PXK: variants seen among roughly 807,000 people sequenced by gnomAD.
PXK encodes PX domain-containing protein kinase-like protein.
Under a neutral mutation model 84.7 loss-of-function variants are expected in PXK, and 35 were observed. The observed-to-expected ratio is 0.41, with a 90% CI of 0.32 to 0.55. PXK has a LOEUF of 0.55. Among genes scored for constraint, PXK ranks in the 20% least tolerant of loss-of-function variants. The pLI, the probability that PXK is intolerant of heterozygous loss-of-function variation, is 0.21. For missense variants in PXK, 634 were observed against 699.7 expected (o/e 0.91, Z 1.06); for synonymous variants, 253 against 260.8 (o/e 0.97, Z 0.29).
chr3:58,349,668 A>T (rs541812941), intron 1 of PXK, among the ~76,000 whole-genome samples: 1 of 152,230 alleles, frequency 6.6e-6, no homozygotes, highest in East Asian at 1.9e-4. Flanking sequence ...ATTTTCATAA[A>T]TATCTGTGTT....
At chr3:58,420,454 T>TTA in intron 17 of PXK, 1 of 1,467,856 alleles carries the variant, frequency 6.8e-7, no homozygotes, top group African/African-American at 1.4e-5. Flanking sequence ...TTTTACTGTC[T>TTA]GTTACTATTT....
chr3:58,387,175 G>T (rs2098558232), intron 4 of PXK, among the ~76,000 whole-genome samples: 1 of 152,218 alleles, frequency 6.6e-6, no homozygotes, highest in Admixed American at 6.5e-5. Context: ...TGGACTTGAA[G>T]GCTGTGCTCT....
chr3:58,402,750 A>C (rs945203635), intron 12 of PXK, among the ~76,000 whole-genome samples: 30 of 130,136 alleles, frequency 2.3e-4, no homozygotes, highest in African/African-American at 8.2e-4. Flanking sequence ...GTTTTTAATA[A>C]TATACTTTTT....
chr3:58,378,512 TTGTGTGTGTGTG>T (rs71091375), intron 3 of PXK, among the ~76,000 whole-genome samples: 11 of 29,074 alleles, frequency 3.8e-4, no homozygotes, highest in African/African-American at 1.3e-3. Context: ...TTTTTTTTTT[TTGTGTGTGTGTG>T]TGTGTGTGTG....
In PXK at chr3:58,364,711, C is replaced by CA. The variant is rs796928585; in HGVS notation, c.103-1151dup. ...TGGGTGACAGAGTGAGACTCGGTCT[C>CA]AAAAAAAAAAAATCATTATGAAGAT... On this transcript the variant is annotated intron_variant, in intron 1 of 17. Coordinates refer to ENST00000356151, the MANE Select transcript of PXK (RefSeq NM_017771.5). The surrounding 1 kb of genome is among the most constrained non-coding windows in gnomAD (Gnocchi z 4.3). 0.016 allele frequency among the ~76,000 whole-genome samples: 2,160 copies of CA among 135,396 alleles called. 61 individuals are homozygous for CA. Among genetic ancestry groups the CA allele is most frequent in the African/African-American group, 0.055 (2,006 of 36,766 alleles). The allele number at this position is 135,396 out of a possible 152,430, so 88.8% of individuals were successfully genotyped here.
intron 17 of PXK, chr3:58,422,653 A>T (rs1344492202): frequency 4.1e-6 from 4 of 985,256 alleles, no homozygotes. Context: ...TCTAATTTTG[A>T]GGGCCTGGTA....
chr3:58,380,173 C>T (rs1212772216), intron 3 of PXK, among the ~76,000 whole-genome samples: 1 of 152,042 alleles, frequency 6.6e-6, no homozygotes, highest in Admixed American at 6.6e-5. Context: ...ACTGAGTGCT[C>T]ACCATGAGGG....
At chr3:58,348,319 G>A (rs573972240) in intron 1 of PXK, among the ~76,000 whole-genome samples, 5 of 152,186 alleles carry the variant, frequency 3.3e-5, no homozygotes, top group Non-Finnish European at 7.3e-5. Flanking sequence ...CTAAGCATTG[G>A]TTGAAAGAGG....
At chr3:58,369,539 T>C in intron 3 of PXK, 61 bp downstream of exon 3, 6 of 1,417,614 alleles carry the variant, frequency 4.2e-6, no homozygotes, top group Non-Finnish European at 6.0e-6. Context: ...AAAAACTGGC[T>C]GGAGTCGGGG....
At position 58,399,415 on chromosome 3, in the gene PXK, C is replaced by CT; in HGVS notation, c.1181+39dup. 1 of 1,563,048 alleles carries CT rather than the reference C, an allele frequency of 6.4e-7. No individual in the cohort carries two copies. Among genetic ancestry groups the CT allele is most frequent in the Non-Finnish European group, 8.8e-7 (1 of 1,135,122 alleles). ...TATGCGTTGGTTGTAATCTTGATAA[C>CT]TATGTTGAACACCAGACCACTGTGT... On this transcript the variant is annotated intron_variant, in intron 12 of 17. Coordinates refer to ENST00000356151, the MANE Select transcript of PXK (RefSeq NM_017771.5). This position sits in a 1 kb window ranked among gnomAD's most constrained non-coding sequence, Gnocchi z 4.3.
rs756520480 is a variant in PXK, at chr3:58,408,928, C to G, written c.1235C>G (p.Pro412Arg). The change falls in exon 14 of 18, where the codon CCT becomes CGT. Residue 412 changes from proline (P) to arginine (R), a missense_variant. Coordinates refer to ENST00000356151, the MANE Select transcript of PXK (RefSeq NM_017771.5). ...TGTACTTTTCTCTCCTTTCAGATCC[C>G]TACAAAGTTAAAAGAGGCATTGAGA... The part of the protein sequence containing the change: ...TTSEKPQFKI[P>R]TKLKEALRIA... The G allele has an allele frequency of 2.5e-5, 39 of 1,575,006 alleles. No individual in the cohort carries two copies. Among genetic ancestry groups the G allele is most frequent in the Non-Finnish European group, 3.2e-5 (37 of 1,144,784 alleles).
At chr3:58,355,320 A>G (rs910178707) in intron 1 of PXK, among the ~76,000 whole-genome samples, 3 of 152,124 alleles carry the variant, frequency 2.0e-5, no homozygotes, top group Non-Finnish European at 2.9e-5. Flanking sequence ...AGGTTCTGCA[A>G]AACATCTCTG....
intron 1 of PXK, among the ~76,000 whole-genome samples, chr3:58,345,682 T>C (rs1370465205): frequency 6.6e-6 from 1 of 152,244 alleles, no homozygotes; most frequent in African/African-American, 2.4e-5. Context: ...AACTGAGTTA[T>C]GAGCATACTC....
At position 58,399,411 on chromosome 3, in the gene PXK, A is replaced by G. The variant is rs1405857937; in HGVS notation, c.1181+34A>G. 7 of 1,580,094 alleles carry G rather than the reference A, an allele frequency of 4.4e-6. No homozygotes were observed. The African/African-American group carries it at 9.4e-5, about 21-fold the overall frequency. ...ATCATATGCGTTGGTTGTAATCTTG[A>G]TAACTATGTTGAACACCAGACCACT... On this transcript the variant is annotated intron_variant, in intron 12 of 17. Coordinates refer to ENST00000356151, the MANE Select transcript of PXK (RefSeq NM_017771.5). This position sits in a 1 kb window ranked among gnomAD's most constrained non-coding sequence, Gnocchi z 4.3.
chr3:58,351,213 T>C (rs560336249), intron 1 of PXK, among the ~76,000 whole-genome samples: 1 of 152,280 alleles, frequency 6.6e-6, no homozygotes, highest in East Asian at 1.9e-4. Context: ...ATTTAATTTA[T>C]TTTATTTTTC....
chr3:58,375,972 AT>A (rs2098438775), intron 3 of PXK, among the ~76,000 whole-genome samples: 1 of 152,166 alleles, frequency 6.6e-6, no homozygotes, highest in Non-Finnish European at 1.5e-5. Context: ...CTCCAAAATA[AT>A]AATTATCTTG....
rs1346158219 is a variant in PXK at position 58,416,627 on chromosome 3, A to G, written c.1528+3664A>G. ...GGACTCTGAGCCTAGGGATTACACC[A>G]TTTTTGTTTTTGAGACAGAGTCTGG... is the stretch of plus-strand genomic sequence containing the variant. On this transcript the variant is annotated intron_variant, in intron 17 of 17. Transcript: ENST00000356151. The surrounding 1 kb of genome is among the most constrained non-coding windows in gnomAD (Gnocchi z 4.8). 6.6e-6 allele frequency among the ~76,000 whole-genome samples: 1 copy of G among 151,844 alleles called. No homozygotes were observed. Among genetic ancestry groups the G allele is most frequent in the African/African-American group, 2.4e-5 (1 of 41,328 alleles).
At chr3:58,340,960 AAT>A (rs1244777931) in intron 1 of PXK, among the ~76,000 whole-genome samples, 1 of 141,476 alleles carries the variant, frequency 7.1e-6, no homozygotes, top group East Asian at 2.0e-4. Flanking sequence ...GAGGGGGAGT[AAT>A]AGAGTTTTTC....
intron 1 of PXK, among the ~76,000 whole-genome samples, chr3:58,342,534 C>A (rs1255432335): frequency 1.3e-5 from 2 of 149,870 alleles, no homozygotes; most frequent in South Asian, 4.3e-4. Flanking sequence ...CCTCAGGAAG[C>A]TGAGGCACGA....
Sources: allele counts gnomAD v4.1 joint callset (sites outside exome capture counted in the v4.1 genomes callset), GRCh38; gene constraint gnomAD v4.1.1; non-coding constraint Gnocchi (gnomAD v3.1); transcripts MANE v1.5; gene names NCBI Gene and HGNC (gene_info 2026-07-23, HGNC 2026-07-21).